Variants in ZMYM2 observed in about 807,000 individuals in gnomAD.
ZMYM2 encodes the protein zinc finger MYM-type containing 2, also known as zinc finger MYM-type protein 2.
In ZMYM2, 56 loss-of-function variants were observed where a neutral mutation model predicts 162.8. That is an observed-to-expected ratio of 0.34 (90% CI 0.28 to 0.43). The LOEUF is 0.43. ZMYM2 is among the 20% of genes least tolerant of loss of function. ZMYM2 has a pLI of 1.00. For missense variants in ZMYM2, 1,275 were observed against 1,621.8 expected, an observed-to-expected ratio of 0.79 and a Z score of 3.67; for synonymous variants, 510 against 541.6, an observed-to-expected ratio of 0.94 and a Z score of 0.81.
intron 3 of ZMYM2, among the ~76,000 whole-genome samples, chr13:19,996,586 C>T (rs774417139): frequency 3.9e-5 from 6 of 152,074 alleles, no homozygotes; most frequent in Non-Finnish European, 8.8e-5. Flanking sequence ...ATTAGTGGGG[C>T]ATGGTGGTGC....
chr13:19,954,235 C>T (rs563965020), upstream of ZMYM2, among the ~76,000 whole-genome samples: 398 of 147,738 alleles, frequency 2.7e-3, 2 homozygotes, highest in South Asian at 5.8e-3. Flanking sequence ...TTCACGTCAT[C>T]CTCCTGCCTC....
chr13:19,939,682 T>G, the ZMYM2 span, among the ~76,000 whole-genome samples: 1 of 152,174 alleles, frequency 6.6e-6, no homozygotes, highest in Non-Finnish European at 1.5e-5. Flanking sequence ...ATACAAATAA[T>G]TACAAGTTAG....
At chr13:19,899,141 C>T in the ZMYM2 span, among the ~76,000 whole-genome samples, 30 of 151,694 alleles carry the variant, frequency 2.0e-4, no homozygotes, top group African/African-American at 7.0e-4. Context: ...TTAGTAGAGA[C>T]GGGTTTCATC....
intron 2 of ZMYM2, among the ~76,000 whole-genome samples, chr13:19,978,958 T>G (rs1401108492): frequency 6.6e-6 from 1 of 152,202 alleles, no homozygotes; most frequent in East Asian, 1.9e-4. Flanking sequence ...TTTGCTTATT[T>G]GGAAATATCT....
chr13:19,991,050 GTGTGTGTGTGTGTGTACGTATGTATTTTC>G (rs71684126), intron 2 of ZMYM2, among the ~76,000 whole-genome samples: 22,346 of 142,314 alleles, frequency 0.16, 2,108 homozygotes, highest in East Asian at 0.51. Context: ...TTTTCTCTCT[GTGTGTGTGTGTGTGTACGTATGTATTTTC>G]TGTGTGTGTG....
chr13:20,026,500 T>A, intron 7 of ZMYM2, 112 bp from the exon 8 acceptor site: 1 of 1,052,928 alleles, frequency 9.5e-7, no homozygotes, highest in South Asian at 1.8e-5. Context: ...TAAACCTGTT[T>A]AGAGATTAAC....
chr13:20,065,615 G>A (rs1956614858), intron 19 of ZMYM2, among the ~76,000 whole-genome samples: 1 of 152,012 alleles, frequency 6.6e-6, no homozygotes, highest in South Asian at 2.1e-4. Flanking sequence ...ACCAGCCTGG[G>A]CAACATAGTG....
intron 17 of ZMYM2, 34 bp downstream of exon 17, chr13:20,061,258 T>C: frequency 1.3e-6 from 2 of 1,596,594 alleles, no homozygotes; most frequent in Non-Finnish European, 1.7e-6. Context: ...TGCGAATAAG[T>C]GTTAACATTG....
chr13:20,068,606 A>G (rs1321117275), intron 21 of ZMYM2, among the ~76,000 whole-genome samples: 1 of 152,072 alleles, frequency 6.6e-6, no homozygotes, highest in Non-Finnish European at 1.5e-5. Context: ...CCATGTGTGT[A>G]TTTTCCCTCC....
intron 21 of ZMYM2, among the ~76,000 whole-genome samples, chr13:20,074,543 C>CTTT (rs113280014): frequency 2.8e-5 from 4 of 143,032 alleles, no homozygotes; most frequent in African/African-American, 7.7e-5. Flanking sequence ...GGCTTCCTTC[C>CTTT]TTTTTTTTTT....
intron 21 of ZMYM2, among the ~76,000 whole-genome samples, chr13:20,069,482 G>A (rs1027048692): frequency 2.7e-5 from 4 of 150,908 alleles, no homozygotes; most frequent in Non-Finnish European, 1.5e-5. Flanking sequence ...TTAGTTGACT[G>A]AGAATTTTTT....
intron 21 of ZMYM2, among the ~76,000 whole-genome samples, chr13:20,074,060 C>G (rs544456626): frequency 6.6e-6 from 1 of 152,224 alleles, no homozygotes; most frequent in Admixed American, 6.5e-5. Flanking sequence ...TTTCTACTTT[C>G]TATCTCTATG....
intron 21 of ZMYM2, among the ~76,000 whole-genome samples, chr13:20,072,564 A>G (rs1288585855): frequency 6.6e-6 from 1 of 152,168 alleles, no homozygotes; most frequent in Non-Finnish European, 1.5e-5. Flanking sequence ...AAGAGTTGGG[A>G]AATATTCCTT....
At chr13:19,870,878 C>T in the ZMYM2 span, among the ~76,000 whole-genome samples, 5 of 151,582 alleles carry the variant, frequency 3.3e-5, no homozygotes, top group Non-Finnish European at 7.4e-5. Context: ...CCACCCACTT[C>T]GGCCTCCCAA....
chr13:19,947,722 A>G, the ZMYM2 span, among the ~76,000 whole-genome samples: 2 of 151,802 alleles, frequency 1.3e-5, no homozygotes, highest in South Asian at 2.1e-4. Context: ...TCGAATTCCT[A>G]ACTTCAGGTG....
chr13:20,046,721 AG>A (rs1386145718), intron 12 of ZMYM2, among the ~76,000 whole-genome samples: 1 of 151,228 alleles, frequency 6.6e-6, no homozygotes, highest in Non-Finnish European at 1.5e-5. Context: ...ATTAAAGAAT[AG>A]GGAAGTTTGG....
intron 14 of ZMYM2, among the ~76,000 whole-genome samples, chr13:20,055,002 T>C (rs1475036286): frequency 2.0e-5 from 3 of 151,982 alleles, no homozygotes; most frequent in Admixed American, 6.6e-5. Context: ...GGTTGTTTTT[T>C]TTTTTTTTTT....
intron 4 of ZMYM2, among the ~76,000 whole-genome samples, chr13:20,004,744 C>T (rs1950622150): frequency 6.6e-6 from 1 of 152,124 alleles, no homozygotes; most frequent in Non-Finnish European, 1.5e-5. Flanking sequence ...ACAGGTTATA[C>T]CTCAGTAAAT....
At chr13:20,039,018 C>T (rs954073109) in intron 12 of ZMYM2, among the ~76,000 whole-genome samples, 4 of 152,002 alleles carry the variant, frequency 2.6e-5, no homozygotes, top group African/African-American at 7.3e-5. Context: ...TATTCCCAGG[C>T]ATTTTATTCT....
Sources: gnomAD v4.1 joint callset for allele counts (sites outside exome capture counted in the v4.1 genomes callset) on GRCh38, gnomAD v4.1.1 for gene constraint, MANE v1.5 for transcripts, NCBI Gene and HGNC (gene_info 2026-07-23, HGNC 2026-07-21) for gene names.